LAPTM4B: variants seen among roughly 807,000 people sequenced by gnomAD.
LAPTM4B encodes the protein lysosomal-associated transmembrane protein 4B.
A neutral mutation model predicts 28.5 loss-of-function variants in LAPTM4B; 26 were observed. That is an observed-to-expected ratio of 0.91 (90% confidence interval 0.67 to 1.27). The LOEUF is 1.27. LAPTM4B is among the 50% of genes most tolerant of loss of function. The pLI is 0.00. For missense variants in LAPTM4B, 288 were observed against 285.8 expected (o/e 1.01, Z -0.06); for synonymous variants, 109 against 106.4 (o/e 1.02, Z -0.15).
intron 1 of LAPTM4B, among the ~76,000 whole-genome samples, chr8:97,792,039 T>C (rs527707702): frequency 6.6e-5 from 10 of 152,226 alleles, no homozygotes; most frequent in African/African-American, 1.9e-4. Flanking sequence ...TATTAAAAAA[T>C]TATATCTGTT....
intron 2 of LAPTM4B, among the ~76,000 whole-genome samples, chr8:97,807,967 T>C (rs34542060): frequency 0.46 from 69,008 of 150,816 alleles, 16,188 homozygotes; most frequent in East Asian, 0.57. Context: ...GGATTATAGG[T>C]ATGTGCCATC....
At chr8:97,830,624 G>A (rs557306211) in intron 6 of LAPTM4B, among the ~76,000 whole-genome samples, 35 of 152,262 alleles carry the variant, frequency 2.3e-4, no homozygotes, top group East Asian at 5.8e-4. Context: ...ACTTCCAGAA[G>A]GAGGTAGAGG....
At chr8:97,776,598 C>T (rs903135015) in intron 1 of LAPTM4B, among the ~76,000 whole-genome samples, 1 of 152,200 alleles carries the variant, frequency 6.6e-6, no homozygotes, top group Non-Finnish European at 1.5e-5. Flanking sequence ...CTGGCCGCGT[C>T]TCCGCTAGGG....
intron 1 of LAPTM4B, among the ~76,000 whole-genome samples, chr8:97,779,449 C>T (rs1231242298): frequency 6.6e-6 from 1 of 151,826 alleles, no homozygotes; most frequent in Non-Finnish European, 1.5e-5. Context: ...TGTGCCACTG[C>T]ACTCTAGCCT....
At chr8:97,785,769 G>A (rs1256639637) in intron 1 of LAPTM4B, among the ~76,000 whole-genome samples, 1 of 152,214 alleles carries the variant, frequency 6.6e-6, no homozygotes, top group African/African-American at 2.4e-5. Context: ...ATTTGCAGCT[G>A]CTTGTGGCAA....
intron 1 of LAPTM4B, among the ~76,000 whole-genome samples, chr8:97,778,231 G>A (rs1229759830): frequency 6.6e-6 from 1 of 152,086 alleles, no homozygotes; most frequent in Non-Finnish European, 1.5e-5. Context: ...CTATTTCTGG[G>A]AAACCTGGCT....
intron 5 of LAPTM4B, among the ~76,000 whole-genome samples, chr8:97,824,444 A>G (rs1025720692): frequency 3.3e-5 from 5 of 152,250 alleles, no homozygotes; most frequent in Non-Finnish European, 2.9e-5. Flanking sequence ...TACAGAGTTC[A>G]TAGCTTAAAC....
intron 3 of LAPTM4B, 105 bp downstream of exon 3, chr8:97,815,506 ATC>A (rs1450033001): frequency 5.0e-6 from 4 of 795,764 alleles, no homozygotes; most frequent in Admixed American, 2.3e-5. Context: ...TCTGTTAAGA[ATC>A]TCTGTTTAAA....
At chr8:97,803,194 G>A (rs1370833022) in intron 1 of LAPTM4B, among the ~76,000 whole-genome samples, 8 of 106,418 alleles carry the variant, frequency 7.5e-5, no homozygotes, top group South Asian at 5.5e-4. Context: ...GTGAGACTCC[G>A]TCTCAAAAAA....
chr8:97,812,278 GCT>G (rs2129784711), intron 2 of LAPTM4B, among the ~76,000 whole-genome samples: 1 of 132,988 alleles, frequency 7.5e-6, no homozygotes, highest in East Asian at 2.3e-4. Flanking sequence ...GGAGTACAGT[GCT>G]GCTATCTTGG....
chr8:97,814,213 A>G (rs1246708404), intron 2 of LAPTM4B, among the ~76,000 whole-genome samples: 1 of 152,168 alleles, frequency 6.6e-6, no homozygotes, highest in African/African-American at 2.4e-5. Context: ...TGACTAAAGG[A>G]AAAAAGAAGT....
At chr8:97,827,697 C>T (rs1817112137) in intron 6 of LAPTM4B, among the ~76,000 whole-genome samples, 1 of 152,142 alleles carries the variant, frequency 6.6e-6, no homozygotes, top group Non-Finnish European at 1.5e-5. Flanking sequence ...GAAGAGACAA[C>T]CTGAAAAGGC....
At chr8:97,812,583 G>A (rs553658572) in intron 2 of LAPTM4B, among the ~76,000 whole-genome samples, 2 of 152,306 alleles carry the variant, frequency 1.3e-5, no homozygotes, top group East Asian at 3.9e-4. Context: ...AGTTGGTGAA[G>A]TCACTTGGAT....
At chr8:97,846,068 T>C (rs1042292940) in intron 6 of LAPTM4B, among the ~76,000 whole-genome samples, 14 of 151,312 alleles carry the variant, frequency 9.3e-5, no homozygotes, top group African/African-American at 3.2e-4. Context: ...TTGTCCACAC[T>C]GTTCTGGAAC....
intron 1 of LAPTM4B, among the ~76,000 whole-genome samples, chr8:97,795,532 G>A (rs1272844234): frequency 6.6e-6 from 1 of 152,114 alleles, no homozygotes; most frequent in Non-Finnish European, 1.5e-5. Flanking sequence ...GTTTGCCGTA[G>A]AGTTTATATA....
At chr8:97,789,436 C>T (rs956127686) in intron 1 of LAPTM4B, among the ~76,000 whole-genome samples, 7 of 152,116 alleles carry the variant, frequency 4.6e-5, no homozygotes, top group Admixed American at 2.0e-4. Flanking sequence ...CCATGGCTCA[C>T]TGCAGCCTTG....
intron 1 of LAPTM4B, among the ~76,000 whole-genome samples, chr8:97,784,170 A>G (rs1405990014): frequency 6.6e-6 from 1 of 152,136 alleles, no homozygotes; most frequent in Non-Finnish European, 1.5e-5. Context: ...GTCACGCATG[A>G]TAGGTGGTGA....
At chr8:97,840,546 C>T (rs1250185664) in intron 6 of LAPTM4B, among the ~76,000 whole-genome samples, 1 of 152,174 alleles carries the variant, frequency 6.6e-6, no homozygotes, top group Non-Finnish European at 1.5e-5. Context: ...CTCCCGATGT[C>T]TTAGGTTCAC....
intron 6 of LAPTM4B, among the ~76,000 whole-genome samples, chr8:97,832,730 A>C (rs1391559569): frequency 1.5e-5 from 1 of 68,914 alleles, no homozygotes; most frequent in Non-Finnish European, 3.9e-5. Flanking sequence ...TTTTTGAGAC[A>C]GAGTCTTGCT....
Sources: allele counts gnomAD v4.1 joint callset (sites outside exome capture counted in the v4.1 genomes callset), GRCh38; gene constraint gnomAD v4.1.1; transcripts MANE v1.5; gene names NCBI Gene and HGNC (gene_info 2026-07-23, HGNC 2026-07-21).